RASA3: variants seen among roughly 807,000 people sequenced by gnomAD.
The protein encoded by RASA3 is RAS p21 protein activator 3, also known as ras GTPase-activating protein 3.
Under a neutral mutation model 110.0 loss-of-function variants are expected in RASA3, and 73 were observed. The observed-to-expected ratio is 0.66, with a 90% CI of 0.55 to 0.81. The LOEUF (loss-of-function observed/expected upper bound fraction) is 0.81, where lower values mean the gene tolerates loss of function less well. RASA3 is among the 30% of genes least tolerant of loss of function. The pLI is 0.00. For synonymous variants in RASA3, 500 were observed against 451.4 expected (o/e 1.11, Z -1.37); for missense variants, 976 against 1,113.2 (o/e 0.88, Z 1.75).
intron 2 of RASA3, among the ~76,000 whole-genome samples, chr13:114,061,025 A>C (rs553023019): frequency 2.0e-3 from 301 of 151,254 alleles, no homozygotes; most frequent in African/African-American, 7.1e-3. Flanking sequence ...GAGCCCCCAC[A>C]GCCGGCAGAT....
In RASA3 at chr13:114,115,218, C is replaced by A. The variant is rs74849965; in HGVS notation, c.55+17217G>T. ...CATCGGCAGCTTCCATTATGTCCAG[C>A]GGTAACATGTTTACGGTCCCTGTGC... On this transcript the variant is annotated intron_variant, in intron 1 of 23. Coordinates refer to ENST00000334062, the MANE Select transcript of RASA3 (RefSeq NM_007368.4). This position sits in a 1 kb window ranked among gnomAD's most constrained non-coding sequence, Gnocchi z 5.0. Among the ~76,000 whole-genome samples, 3 of 152,198 alleles carry A rather than the reference C, an allele frequency of 2.0e-5. No individual in the cohort carries two copies. Among genetic ancestry groups the A allele is most frequent in the African/African-American group, 7.2e-5 (3 of 41,450 alleles).
intron 1 of RASA3, among the ~76,000 whole-genome samples, chr13:114,102,893 C>T (rs2080078271): frequency 1.3e-5 from 2 of 152,164 alleles, no homozygotes; most frequent in African/African-American, 4.8e-5. Context: ...CCGGCAGTGC[C>T]ACCCACCCAC....
intron 22 of RASA3, among the ~76,000 whole-genome samples, chr13:113,989,993 G>A (rs2053070340): frequency 6.6e-6 from 1 of 152,062 alleles, no homozygotes; most frequent in Non-Finnish European, 1.5e-5. Flanking sequence ...AGGGGATCAT[G>A]GGGACAGACT....
chr13:114,009,540 G>A (rs2053587778), intron 16 of RASA3, 76 bp from the exon 17 acceptor site: 1 of 988,780 alleles, frequency 1.0e-6, no homozygotes, highest in South Asian at 1.3e-5. Flanking sequence ...AAAGCTAGAG[G>A]CAAGAACTGT....
At chr13:114,053,995 G>A (rs1184609683) in intron 2 of RASA3, among the ~76,000 whole-genome samples, 4 of 152,018 alleles carry the variant, frequency 2.6e-5, no homozygotes, top group Non-Finnish European at 5.9e-5. Flanking sequence ...GCATGGTGGT[G>A]GGCGCCTGTA....
At chr13:114,052,662 T>TA (rs199710796) in intron 2 of RASA3, among the ~76,000 whole-genome samples, 5 of 151,534 alleles carry the variant, frequency 3.3e-5, no homozygotes, top group Non-Finnish European at 5.9e-5. Flanking sequence ...TGACTGTACT[T>TA]AGAGTCCTCG....
At chr13:114,062,420 A>C (rs955449880) in intron 2 of RASA3, among the ~76,000 whole-genome samples, 1 of 152,188 alleles carries the variant, frequency 6.6e-6, no homozygotes, top group African/African-American at 2.4e-5. Context: ...CCAAACACAC[A>C]ACTTGTGCAA....
chr13:114,119,827 C>G (rs1223629563), intron 1 of RASA3, among the ~76,000 whole-genome samples: 3 of 106,500 alleles, frequency 2.8e-5, no homozygotes, highest in African/African-American at 1.1e-4. Flanking sequence ...AGGCGTCGAT[C>G]AAGTCCCCCC....
At chr13:114,119,425 C>T (rs1196779489) in intron 1 of RASA3, among the ~76,000 whole-genome samples, 2 of 152,188 alleles carry the variant, frequency 1.3e-5, no homozygotes, top group Non-Finnish European at 2.9e-5. Context: ...CAACTGCTCA[C>T]GCCTCTGAGG....
chr13:114,095,996 G>A (rs1365374036), intron 1 of RASA3, among the ~76,000 whole-genome samples: 5 of 152,228 alleles, frequency 3.3e-5, no homozygotes, highest in East Asian at 1.9e-4. Context: ...GCTAATCAAC[G>A]TTAATTTTTC....
chr13:114,122,713 G>A (rs1173971098), intron 1 of RASA3, among the ~76,000 whole-genome samples: 2 of 132,410 alleles, frequency 1.5e-5, no homozygotes, highest in Non-Finnish European at 3.3e-5. Context: ...CTCCACACAG[G>A]GGGACGCAGC....
Position 114,027,601 on chromosome 13 carries a change from C to CCA in RASA3, c.531-142_531-141dup, listed in dbSNP as rs1443976215. On this transcript the variant is annotated intron_variant, in intron 6 of 23. Transcript: ENST00000334062. ...TAAATATTTCTGCTGGTCTCCAACT[C>CCA]CAGATGGTATGCAAATCAGGAACCT... 8 of 776,726 alleles carry CCA rather than the reference C, an allele frequency of 1.0e-5. No homozygotes were observed. The African/African-American group carries it at 1.2e-4, about 12-fold the overall frequency. The allele number at this position is 776,726 out of a possible 1,614,324, so 48.1% of individuals were successfully genotyped here.
chr13:114,033,997 G>C (rs1296283284), intron 4 of RASA3, among the ~76,000 whole-genome samples: 2 of 152,260 alleles, frequency 1.3e-5, no homozygotes, highest in African/African-American at 4.8e-5. Flanking sequence ...GGGCTGAGCG[G>C]AGTATCGCCT....
chr13:114,083,573 G>A (rs2079817646), intron 1 of RASA3, among the ~76,000 whole-genome samples: 2 of 146,518 alleles, frequency 1.4e-5, no homozygotes. Context: ...TGGTGAGTCT[G>A]GAGTATCGAC....
chr13:114,017,023 T>C (rs1399735584), intron 12 of RASA3, among the ~76,000 whole-genome samples: 1 of 152,218 alleles, frequency 6.6e-6, no homozygotes, highest in African/African-American at 2.4e-5. Flanking sequence ...TTTTCTTATG[T>C]ATAGTTTTAA....
At chr13:114,061,750 C>T (rs950606309) in intron 2 of RASA3, among the ~76,000 whole-genome samples, 3 of 151,956 alleles carry the variant, frequency 2.0e-5, no homozygotes, top group Non-Finnish European at 4.4e-5. Flanking sequence ...GAGTCTAACA[C>T]GATCCTTAAG....
chr13:114,035,054 A>G (rs2054254535), intron 4 of RASA3, among the ~76,000 whole-genome samples: 1 of 152,174 alleles, frequency 6.6e-6, no homozygotes, highest in South Asian at 2.1e-4. Context: ...CTGAGCTTAG[A>G]GCAGAAGGGA....
rs911460297 is a variant in RASA3, at chr13:114,115,369, G to T, written c.55+17066C>A. Among the ~76,000 whole-genome samples, 19 of 152,218 alleles carry T rather than the reference G, an allele frequency of 1.2e-4. No individual in the cohort carries two copies. Among genetic ancestry groups the T allele is most frequent in the African/African-American group, 4.3e-4 (18 of 41,460 alleles). On this transcript the variant is annotated intron_variant, in intron 1 of 23. Transcript: ENST00000334062. The surrounding 1 kb of genome is among the most constrained non-coding windows in gnomAD (Gnocchi z 5.0). ...GGACAGTCACACCGACCCTTGGCCC[G>T]GGCGAGGCCACGTGTCCCACAAAAC...
Position 114,056,414 on chromosome 13 carries a change from G to A in RASA3, c.174-4259C>T, listed in dbSNP as rs1360700808. 1 of 978,398 alleles carries A rather than the reference G, an allele frequency of 1.0e-6. No homozygotes were observed. Among genetic ancestry groups the A allele is most frequent in the African/African-American group, 1.8e-5 (1 of 57,078 alleles). 60.6% of individuals were successfully genotyped at this position (978,398 alleles called of 1,614,324 possible). On this transcript the variant is annotated intron_variant, in intron 2 of 23. Coordinates refer to ENST00000334062, the MANE Select transcript of RASA3 (RefSeq NM_007368.4). The surrounding 1 kb of genome is among the most constrained non-coding windows in gnomAD (Gnocchi z 5.7). ...TCCTCACCACCCTGATGCACAGGGTGGGAAACCGAGGCACTCCAACATCTG... is the reference window on the plus strand; with the variant it reads ...TCCTCACCACCCTGATGCACAGGGTAGGAAACCGAGGCACTCCAACATCTG...
Sources: allele counts gnomAD v4.1 joint callset (sites outside exome capture counted in the v4.1 genomes callset), GRCh38; gene constraint gnomAD v4.1.1; non-coding constraint Gnocchi (gnomAD v3.1); transcripts MANE v1.5; gene names NCBI Gene and HGNC (gene_info 2026-07-23, HGNC 2026-07-21).